The following ATP8A1 variants were observed in gnomAD, a reference collection of about 807,000 sequenced individuals.
ATP8A1 encodes the protein phospholipid-transporting ATPase IA.
ATP8A1 carries 90 observed loss-of-function variants against 177.7 expected under a neutral mutation model. The ratio of observed to expected loss-of-function variants is 0.51; its 90% CI spans 0.43 to 0.60. The LOEUF (loss-of-function observed/expected upper bound fraction) is 0.60, where lower values mean the gene tolerates loss of function less well. Ranked by LOEUF, ATP8A1 falls within the 20% of genes least tolerant of loss-of-function variation. ATP8A1 has a pLI of 0.00. For missense variants in ATP8A1, 1,072 were observed against 1,392.8 expected, an observed-to-expected ratio of 0.77 and a Z score of 3.67; for synonymous variants, 493 against 485.9, an observed-to-expected ratio of 1.01 and a Z score of -0.19.
chr4:42,534,361 T>TA (rs1349963369), intron 20 of ATP8A1, among the ~76,000 whole-genome samples: 2 of 151,998 alleles, frequency 1.3e-5, no homozygotes, highest in Non-Finnish European at 2.9e-5. Context: ...AGGCCACACT[T>TA]AGAGAAATGG....
chr4:42,559,738 C>A (rs577435359), intron 15 of ATP8A1, among the ~76,000 whole-genome samples: 1 of 152,306 alleles, frequency 6.6e-6, no homozygotes, highest in East Asian at 1.9e-4. Context: ...TGCAACGGCA[C>A]AGTCTTGGCT....
chr4:42,460,564 T>C (rs566181719), intron 27 of ATP8A1, among the ~76,000 whole-genome samples: 128 of 152,014 alleles, frequency 8.4e-4, no homozygotes, highest in Non-Finnish European at 1.3e-4. Flanking sequence ...ATTTTTTGTA[T>C]TTTTAGTAGG....
At chr4:42,466,073 G>C (rs1356882938) in intron 25 of ATP8A1, among the ~76,000 whole-genome samples, 1 of 147,590 alleles carries the variant, frequency 6.8e-6, no homozygotes, top group Non-Finnish European at 1.5e-5. Context: ...TAAACACTAG[G>C]ACAAGGACAG....
intron 22 of ATP8A1, among the ~76,000 whole-genome samples, chr4:42,520,977 C>T (rs982219645): frequency 3.5e-4 from 53 of 152,166 alleles, no homozygotes; most frequent in African/African-American, 1.1e-3. Context: ...ACATGGCATC[C>T]CCACATTACA....
intron 14 of ATP8A1, among the ~76,000 whole-genome samples, chr4:42,569,681 G>C: frequency 6.6e-6 from 1 of 151,952 alleles, no homozygotes; most frequent in East Asian, 1.9e-4. Context: ...TACTTCAACA[G>C]GTACATTAAA....
At chr4:42,559,101 C>T (rs1386357808) in intron 15 of ATP8A1, among the ~76,000 whole-genome samples, 1 of 152,096 alleles carries the variant, frequency 6.6e-6, no homozygotes, top group Non-Finnish European at 1.5e-5. Context: ...TGGGAGGATC[C>T]CTTGAGCTCT....
chr4:42,555,097 C>A (rs1018677837), intron 16 of ATP8A1, among the ~76,000 whole-genome samples: 9 of 84,232 alleles, frequency 1.1e-4, no homozygotes, highest in Non-Finnish European at 2.2e-4. Context: ...ATCTATCTAT[C>A]TATCTATCTA....
At chr4:42,587,395 C>T (rs1733726739) in intron 8 of ATP8A1, among the ~76,000 whole-genome samples, 1 of 151,130 alleles carries the variant, frequency 6.6e-6, no homozygotes, top group African/African-American at 2.4e-5. Context: ...ACAACCTCCG[C>T]CTCTCGGGTT....
chr4:42,503,483 C>T lies in ATP8A1; in HGVS notation c.2118G>A (p.Met706Ile). 6.2e-7 allele frequency: 1 copy of T among 1,608,430 alleles called. No homozygotes were observed. The highest frequency in any genetic ancestry group is 1.7e-4 in the Middle Eastern group (1 of 5,804). ...GHSCKLLKKN[M>I]GMIVINEGSL... ...AGCCTTCATTTATAACAATCATTCCCATGTTCTTCTTCAACAGTTTGCAGG... is the reference window on the plus strand; with the variant it reads ...AGCCTTCATTTATAACAATCATTCCTATGTTCTTCTTCAACAGTTTGCAGG... The change falls in exon 24 of 37, where the codon ATG (methionine) becomes ATA (isoleucine). Residue 706 changes from methionine to isoleucine, a missense_variant. Met to Ile is a conservative substitution (Grantham distance 10, BLOSUM62 1). Around this residue, in one of 5 missense-constraint regions of ATP8A1, gnomAD observed 388 missense variants for 471.7 expected, o/e 0.82. Transcript: ENST00000381668.
At chr4:42,635,746 C>CAT (rs768168762) in intron 1 of ATP8A1, among the ~76,000 whole-genome samples, 10 of 119,484 alleles carry the variant, frequency 8.4e-5, no homozygotes, top group Admixed American at 4.5e-4. Context: ...CACATATATA[C>CAT]ATATATATAC....
At chr4:42,570,127 A>G (rs1213003489) in intron 14 of ATP8A1, among the ~76,000 whole-genome samples, 5 of 152,200 alleles carry the variant, frequency 3.3e-5, no homozygotes, top group Admixed American at 6.5e-5. Context: ...TCAATCTTTC[A>G]TCAACCCAGC....
chr4:42,528,373 C>G (rs755781727), intron 20 of ATP8A1, among the ~76,000 whole-genome samples: 50 of 146,370 alleles, frequency 3.4e-4, no homozygotes, highest in Non-Finnish European at 5.9e-4. Context: ...GAGATTAGTG[C>G]CACCATCAAG....
intron 20 of ATP8A1, among the ~76,000 whole-genome samples, chr4:42,540,024 G>T (rs1051304874): frequency 2.0e-5 from 3 of 152,062 alleles, no homozygotes; most frequent in Non-Finnish European, 4.4e-5. Flanking sequence ...ATAGAAGAAA[G>T]TATCTGCAAA....
At chr4:42,532,355 G>A (rs1191345912) in intron 20 of ATP8A1, among the ~76,000 whole-genome samples, 1 of 151,846 alleles carries the variant, frequency 6.6e-6, no homozygotes, top group East Asian at 1.9e-4. Context: ...GCATGATGGC[G>A]GGTGACTGTA....
intron 35 of ATP8A1, chr4:42,415,280 T>C (rs1041093826): frequency 2.0e-5 from 3 of 152,210 alleles, no homozygotes; most frequent in African/African-American, 7.2e-5. Context: ...GTATGACATG[T>C]GTTCCTTAAT....
At position 42,576,468 on chromosome 4, in the gene ATP8A1, G is replaced by A. The variant is rs547957098; in HGVS notation, c.1129-769C>T. On this transcript the variant is annotated intron_variant, in intron 12 of 36. Coordinates refer to ENST00000381668, the MANE Select transcript of ATP8A1 (RefSeq NM_006095.2). The stretch of plus-strand genomic sequence containing the variant: ...TCCAGCCTGGGCGACAGAGCAAGAC[G>A]CCGTCTCAAAAAAAAAAAAAAAAAA... Among the ~76,000 whole-genome samples the A allele has an allele frequency of 5.0e-3, 269 of 53,472 alleles. 1 individual carries two copies. Among genetic ancestry groups the A allele is most frequent in the Non-Finnish European group, 7.0e-3 (212 of 30,266 alleles). 35.1% of individuals were successfully genotyped at this position (53,472 alleles called of 152,430 possible).
intron 35 of ATP8A1, among the ~76,000 whole-genome samples, chr4:42,419,614 A>G (rs750859679): frequency 1.3e-5 from 2 of 152,194 alleles, no homozygotes; most frequent in South Asian, 4.1e-4. Flanking sequence ...TGGAAGATAT[A>G]AAATAACATG....
chr4:42,564,370 G>C (rs1577598638), intron 15 of ATP8A1, among the ~76,000 whole-genome samples: 1 of 152,172 alleles, frequency 6.6e-6, no homozygotes. Context: ...AAAAGCCGCA[G>C]ACACTCAATG....
At chr4:42,612,612 C>T (rs1168563556) in intron 5 of ATP8A1, among the ~76,000 whole-genome samples, 1 of 151,590 alleles carries the variant, frequency 6.6e-6, no homozygotes, top group Non-Finnish European at 1.5e-5. Context: ...TTCATCAGGT[C>T]ACTGAATCAT....
Sources: gnomAD v4.1 joint callset for allele counts (sites outside exome capture counted in the v4.1 genomes callset) on GRCh38, gnomAD v4.1.1 for gene constraint, gnomAD v4.1.1 regional missense constraint, MANE v1.5 for transcripts, NCBI Gene and HGNC (gene_info 2026-07-23, HGNC 2026-07-21) for gene names.